The following TRAM2 variants were observed in gnomAD, a reference collection of about 807,000 sequenced individuals.
The protein encoded by TRAM2 is translocating chain-associated membrane protein 2.
In TRAM2, 12 loss-of-function variants were observed where a neutral mutation model predicts 51.0. The observed-to-expected ratio is 0.24, with a 90% CI of 0.15 to 0.38. TRAM2 has a LOEUF of 0.38. TRAM2 is among the 10% of genes least tolerant of loss of function. The pLI is 1.00. For synonymous variants in TRAM2, 175 were observed against 179.4 expected (o/e 0.98, Z 0.20); for missense variants, 361 against 462.0 (o/e 0.78, Z 2.00).
chr6:52,548,996 G>A (rs890016253), intron 1 of TRAM2, among the ~76,000 whole-genome samples: 5 of 152,188 alleles, frequency 3.3e-5, no homozygotes, highest in Non-Finnish European at 5.9e-5. Flanking sequence ...AACATGTACA[G>A]AAAGTGGATA....
chr6:52,520,915 T>TTTTTGTTTTG (rs10649184), intron 2 of TRAM2, among the ~76,000 whole-genome samples: 1 of 151,700 alleles, frequency 6.6e-6, no homozygotes, highest in Non-Finnish European at 1.5e-5. Flanking sequence ...ATCCTCCTAC[T>TTTTTGTTTTG]TTTTGTTTTG....
chr6:52,542,757 C>G (rs957447943), intron 1 of TRAM2, among the ~76,000 whole-genome samples: 4 of 152,010 alleles, frequency 2.6e-5, no homozygotes, highest in Non-Finnish European at 4.4e-5. Flanking sequence ...TGAATAGCCA[C>G]AATAAAATTA....
In TRAM2 at chr6:52,550,748, C is replaced by T. The variant is rs1425108579; in HGVS notation, c.121-14902G>A. Among the ~76,000 whole-genome samples the T allele has an allele frequency of 2.0e-5, 3 of 152,198 alleles. No individual in the cohort carries two copies. The East Asian group carries it at 5.8e-4, about 29-fold the overall frequency. ...TGTACTTTTAGTAGAGATGGGGTTT[C>T]ATCATGTTGGCCAGGCTGTTCTTGA... On this transcript the variant is annotated intron_variant, in intron 1 of 10. Transcript: ENST00000182527.
chr6:52,497,720 C>CA lies in TRAM2; in HGVS notation c.*5476dup, dbSNP rs1766112702. On this transcript the variant is annotated 3_prime_UTR_variant, in exon 11 of 11. Coordinates refer to ENST00000182527, the MANE Select transcript of TRAM2 (RefSeq NM_012288.4). ...CATTATCAGTTGCTCAGGGCACCAG[C>CA]AGCCTTAGTTCATCCTTCAGATGTT... is the stretch of plus-strand genomic sequence containing the variant. 6.6e-6 allele frequency: 1 copy of CA among 152,618 alleles called. No homozygotes were observed. Among genetic ancestry groups the CA allele is most frequent in the African/African-American group, 2.4e-5 (1 of 41,432 alleles). 9.5% of individuals were successfully genotyped at this position (152,618 alleles called of 1,614,324 possible). A position where few individuals can be genotyped will look rare whatever the true frequency, so the allele number is the denominator to read the frequency against.
intron 2 of TRAM2, among the ~76,000 whole-genome samples, chr6:52,517,924 A>G (rs1766581302): frequency 6.6e-6 from 1 of 152,176 alleles, no homozygotes; most frequent in Non-Finnish European, 1.5e-5. Context: ...GGTGGCGAGG[A>G]CAGAGAGAAC....
chr6:52,576,405 G>C (rs921421694), intron 1 of TRAM2, among the ~76,000 whole-genome samples: 5 of 152,262 alleles, frequency 3.3e-5, no homozygotes, highest in Admixed American at 3.3e-4. Flanking sequence ...GCAAGAGGGG[G>C]TTGTGCAATG....
At chr6:52,574,326 C>T (rs1420021218) in intron 1 of TRAM2, among the ~76,000 whole-genome samples, 1 of 152,148 alleles carries the variant, frequency 6.6e-6, no homozygotes, top group Admixed American at 6.5e-5. Context: ...ATAGAGGCAG[C>T]AGTTCCAAAC....
At chr6:52,560,653 A>T (rs1046650963) in intron 1 of TRAM2, among the ~76,000 whole-genome samples, 9 of 152,192 alleles carry the variant, frequency 5.9e-5, no homozygotes, top group Non-Finnish European at 1.3e-4. Context: ...TGGAGTTCAC[A>T]CTGTCGTATG....
At chr6:52,539,241 G>C (rs1767032725) in intron 1 of TRAM2, among the ~76,000 whole-genome samples, 3 of 152,158 alleles carry the variant, frequency 2.0e-5, no homozygotes, top group Non-Finnish European at 4.4e-5. Context: ...CTACGAAAAG[G>C]ACATCTGTCT....
chr6:52,571,838 C>G (rs1296841272), intron 1 of TRAM2, among the ~76,000 whole-genome samples: 1 of 152,208 alleles, frequency 6.6e-6, no homozygotes, highest in African/African-American at 2.4e-5. Flanking sequence ...CCCAGACCCA[C>G]CAATGAAGTC....
chr6:52,544,144 T>C (rs9474242), intron 1 of TRAM2, among the ~76,000 whole-genome samples: 2,689 of 152,274 alleles, frequency 0.018, 88 homozygotes, highest in African/African-American at 0.061. Context: ...CCGGGGGCCA[T>C]AAACCAGGCC....
intron 8 of TRAM2, 55 bp from the exon 9 acceptor site, chr6:52,505,797 T>C (rs1766337082): frequency 1.3e-6 from 2 of 1,549,374 alleles, no homozygotes; most frequent in East Asian, 4.5e-5. Flanking sequence ...GAAGGAATCT[T>C]CACCCACTTC....
chr6:52,557,477 G>C (rs1767430079), intron 1 of TRAM2, among the ~76,000 whole-genome samples: 1 of 152,160 alleles, frequency 6.6e-6, no homozygotes, highest in South Asian at 2.1e-4. Context: ...TACTGACAAG[G>C]AAACGGCCAC....
intron 1 of TRAM2, among the ~76,000 whole-genome samples, chr6:52,568,844 T>C (rs1455980886): frequency 6.6e-6 from 1 of 152,176 alleles, no homozygotes; most frequent in East Asian, 1.9e-4. Context: ...AAACTAACAA[T>C]ACTCTGTCCC....
intron 7 of TRAM2, among the ~76,000 whole-genome samples, chr6:52,507,336 A>G (rs1478748236): frequency 6.6e-6 from 1 of 152,230 alleles, no homozygotes; most frequent in Non-Finnish European, 1.5e-5. Context: ...CATCACTCTC[A>G]ACTGTCCTTA....
intron 1 of TRAM2, among the ~76,000 whole-genome samples, chr6:52,573,672 A>T (rs1485914888): frequency 6.6e-6 from 1 of 152,186 alleles, no homozygotes; most frequent in Admixed American, 6.5e-5. Context: ...CCCAAAAGGA[A>T]ATTATCCCAA....
Position 52,518,055 on chromosome 6 carries a change from G to A in TRAM2, c.185-1318C>T, listed in dbSNP as rs540075237. On this transcript the variant is annotated intron_variant, in intron 2 of 10. Coordinates refer to ENST00000182527, the MANE Select transcript of TRAM2 (RefSeq NM_012288.4). ...CATGGAGATAAAAGACACCACCCCC[G>A]GTTGGAAAACATACAGTGCAGCAGG... 5.2e-4 allele frequency among the ~76,000 whole-genome samples: 79 copies of A among 152,284 alleles called. No homozygotes were observed. The South Asian group carries it at 6.2e-3, about 12-fold the overall frequency.
At chr6:52,526,805 G>C (rs1012775494) in intron 2 of TRAM2, among the ~76,000 whole-genome samples, 1 of 152,212 alleles carries the variant, frequency 6.6e-6, no homozygotes, top group Non-Finnish European at 1.5e-5. Flanking sequence ...AGACTCCACT[G>C]TACTTCAAAG....
intron 2 of TRAM2, among the ~76,000 whole-genome samples, chr6:52,519,449 G>A (rs1232592308): frequency 2.6e-5 from 4 of 152,164 alleles, no homozygotes; most frequent in South Asian, 2.1e-4. Context: ...CCATAAGGAC[G>A]GTTACAATGA....
Sources: gnomAD v4.1 joint callset for allele counts (sites outside exome capture counted in the v4.1 genomes callset) on GRCh38, gnomAD v4.1.1 for gene constraint, MANE v1.5 for transcripts, NCBI Gene and HGNC (gene_info 2026-07-23, HGNC 2026-07-21) for gene names.